EFCAB3: variants seen among roughly 807,000 people sequenced by gnomAD.
EFCAB3 encodes EF-hand calcium binding domain 3, also known as EF-hand calcium-binding domain-containing protein 3.
In EFCAB3, 36 loss-of-function variants were observed where a neutral mutation model predicts 42.2. The ratio of observed to expected loss-of-function variants is 0.85; its 90% CI spans 0.65 to 1.13. EFCAB3 has a LOEUF of 1.13. Among genes scored for constraint, EFCAB3 ranks in the 50% most tolerant of loss-of-function variants. The pLI, the probability that EFCAB3 is intolerant of heterozygous loss-of-function variation, is 0.00. For synonymous variants in EFCAB3, 170 were observed against 172.8 expected, an observed-to-expected ratio of 0.98 and a Z score of 0.13; for missense variants, 418 against 505.1, an observed-to-expected ratio of 0.83 and a Z score of 1.65.
chr17:62,410,981 G>A (rs1447619656), intron 8 of EFCAB3, among the ~76,000 whole-genome samples: 5 of 152,174 alleles, frequency 3.3e-5, no homozygotes, highest in African/African-American at 1.2e-4. Flanking sequence ...CAGGATTGTA[G>A]GATGCATGGA....
At position 62,387,395 on chromosome 17, in the gene EFCAB3, C is replaced by A; in HGVS notation, c.130C>A (p.Leu44Ile). Residue 44 changes from leucine (L) to isoleucine (I), a missense_variant, in exon 3 of 10, where the codon CTA (leucine) becomes ATA (isoleucine). By Grantham distance (5) the Leu-to-Ile change is conservative. Transcript: ENST00000305286. Reference protein sequence around the residue: ...QCQLQHKEKKLSASQMAAFQD... With the variant: ...QCQLQHKEKKISASQMAAFQD... Reference sequence around the variant, plus strand: ...CCAATTACAACACAAAGAAAAGAAGCTAAGTGCTTCACAAATGGCAGGTAA... The same window carrying A: ...CCAATTACAACACAAAGAAAAGAAGATAAGTGCTTCACAAATGGCAGGTAA... 6.2e-7 allele frequency: 1 copy of A among 1,611,676 alleles called. No individual in the cohort carries two copies. Among genetic ancestry groups the A allele is most frequent in the Non-Finnish European group, 8.5e-7 (1 of 1,178,688 alleles).
intron 6 of EFCAB3, among the ~76,000 whole-genome samples, chr17:62,397,122 A>C (rs1337113698): frequency 6.6e-6 from 1 of 152,196 alleles, no homozygotes; most frequent in African/African-American, 2.4e-5. Context: ...GTAAGTGCTT[A>C]GGAAATGTTA....
chr17:62,371,414 C>T lies in EFCAB3; in HGVS notation c.34+1092C>T, dbSNP rs573417496. Among the ~76,000 whole-genome samples the T allele has an allele frequency of 5.3e-5, 8 of 151,936 alleles. No individual in the cohort carries two copies. The East Asian group carries it at 7.7e-4, about 15-fold the overall frequency. ...TACTAAAAATAAAAAAAAAATTAGC[C>T]GGGCTTGGTGGCACACGTCTGTAAT... On this transcript the variant is annotated intron_variant, in intron 1 of 11. Coordinates refer to the EFCAB3 transcript ENST00000450662.
chr17:62,399,846 A>T (rs770608063), intron 6 of EFCAB3, among the ~76,000 whole-genome samples: 2 of 152,042 alleles, frequency 1.3e-5, no homozygotes, highest in Non-Finnish European at 2.9e-5. Context: ...AAATTTACTT[A>T]TTTATTTTAT....
intron 2 of EFCAB3, among the ~76,000 whole-genome samples, chr17:62,385,822 T>A (rs1243523887): frequency 6.7e-6 from 1 of 149,512 alleles, no homozygotes; most frequent in East Asian, 2.0e-4. Context: ...TGGGTTCATG[T>A]CATTCTTCTG....
intron 8 of EFCAB3, among the ~76,000 whole-genome samples, chr17:62,411,143 A>C (rs1445479267): frequency 6.6e-6 from 1 of 152,188 alleles, no homozygotes; most frequent in Non-Finnish European, 1.5e-5. Context: ...AGCTTATATC[A>C]AAAATCTTTT....
At chr17:62,411,060 G>A (rs1041265521) in intron 8 of EFCAB3, among the ~76,000 whole-genome samples, 1 of 152,072 alleles carries the variant, frequency 6.6e-6, no homozygotes, top group Non-Finnish European at 1.5e-5. Flanking sequence ...CTTAAAAACC[G>A]GTTTTAGATT....
intron 8 of EFCAB3, among the ~76,000 whole-genome samples, chr17:62,410,193 C>T (rs2070483068): frequency 6.6e-6 from 1 of 150,980 alleles, no homozygotes; most frequent in Non-Finnish European, 1.5e-5. Flanking sequence ...GAGCAAAATT[C>T]CATCTCAAAA....
chr17:62,401,832 A>G (rs1418861300), intron 6 of EFCAB3, among the ~76,000 whole-genome samples: 1 of 152,170 alleles, frequency 6.6e-6, no homozygotes, highest in Non-Finnish European at 1.5e-5. Flanking sequence ...AAAGAAAGTC[A>G]TTGGTAGCTT....
intron 6 of EFCAB3, among the ~76,000 whole-genome samples, chr17:62,402,298 T>C (rs1426083146): frequency 1.3e-5 from 2 of 152,188 alleles, no homozygotes; most frequent in African/African-American, 2.4e-5. Flanking sequence ...TCCTGCCTGA[T>C]TGCCCTGGCC....
intron 5 of EFCAB3, among the ~76,000 whole-genome samples, chr17:62,394,079 C>T (rs539280294): frequency 3.4e-4 from 51 of 152,104 alleles, no homozygotes. Context: ...CTCAGCCTCC[C>T]GGTAGCTGGG....
intron 6 of EFCAB3, among the ~76,000 whole-genome samples, chr17:62,405,281 G>T (rs1180112793): frequency 6.6e-6 from 1 of 152,212 alleles, no homozygotes; most frequent in African/African-American, 2.4e-5. Context: ...TCATAAGTCA[G>T]ACTCTAATCA....
intron 9 of EFCAB3, among the ~76,000 whole-genome samples, chr17:62,415,437 A>C (rs907921283): frequency 6.6e-6 from 1 of 152,212 alleles, no homozygotes; most frequent in African/African-American, 2.4e-5. Context: ...CTGACTTATA[A>C]GATTAAGTGT....
intron 6 of EFCAB3, among the ~76,000 whole-genome samples, chr17:62,398,346 C>T (rs960207380): frequency 6.6e-5 from 10 of 151,772 alleles, no homozygotes; most frequent in African/African-American, 2.4e-4. Flanking sequence ...CCCAGCTACT[C>T]AAGAGGCCAA....
At chr17:62,380,505 T>G, upstream of EFCAB3, 13 of 957,542 alleles carry the variant, frequency 1.4e-5, no homozygotes, top group African/African-American at 1.8e-5. Flanking sequence ...TCCCTAGGCT[T>G]GAGCCTGAGC....
intron 2 of EFCAB3, among the ~76,000 whole-genome samples, chr17:62,374,290 A>G (rs1252063468): frequency 6.6e-6 from 1 of 152,094 alleles, no homozygotes; most frequent in African/African-American, 2.4e-5. Flanking sequence ...GTGAAACCTC[A>G]TCTCTACTAA....
chr17:62,408,742 C>T (rs1227533067), intron 8 of EFCAB3, among the ~76,000 whole-genome samples: 1 of 152,126 alleles, frequency 6.6e-6, no homozygotes, highest in Non-Finnish European at 1.5e-5. Context: ...ATTGCCTATC[C>T]AACAATCTCA....
chr17:62,399,121 G>A (rs115261145), intron 6 of EFCAB3, among the ~76,000 whole-genome samples: 2,229 of 151,946 alleles, frequency 0.015, 58 homozygotes, highest in African/African-American at 0.05. Flanking sequence ...AAATGCTGCA[G>A]ATCATATCAC....
chr17:62,401,897 G>A (rs1212227627), intron 6 of EFCAB3, among the ~76,000 whole-genome samples: 4 of 152,094 alleles, frequency 2.6e-5, no homozygotes, highest in Admixed American at 6.6e-5. Flanking sequence ...CCATTTTCAC[G>A]ATATTGATTC....
Sources: allele counts gnomAD v4.1 joint callset (sites outside exome capture counted in the v4.1 genomes callset), GRCh38; gene constraint gnomAD v4.1.1; transcripts MANE v1.5; gene names NCBI Gene and HGNC (gene_info 2026-07-23, HGNC 2026-07-21).